Variants in SAMD5 observed in about 807,000 individuals in gnomAD.
The protein encoded by SAMD5 is sterile alpha motif domain-containing protein 5.
A neutral mutation model predicts 11.3 loss-of-function variants in SAMD5; 13 were observed. The ratio of observed to expected loss-of-function variants is 1.15; its 90% CI spans 0.75 to 1.83. The LOEUF is 1.83. Ranked by LOEUF, SAMD5 falls within the 40% of genes most tolerant of loss-of-function variation. SAMD5 has a pLI of 0.00. For synonymous variants in SAMD5, 129 were observed against 111.3 expected (o/e 1.16, Z -1.00); for missense variants, 255 against 239.1 (o/e 1.07, Z -0.44).
intron 1 of SAMD5, among the ~76,000 whole-genome samples, chr6:147,714,998 G>A (rs917843561): frequency 5.3e-5 from 8 of 152,186 alleles, no homozygotes; most frequent in Non-Finnish European, 1.2e-4. Flanking sequence ...GAAAATATGG[G>A]CATATATACA....
chr6:147,520,182 A>G (rs1285468479), intron 1 of SAMD5, among the ~76,000 whole-genome samples: 2 of 147,954 alleles, frequency 1.4e-5, no homozygotes, highest in South Asian at 2.1e-4. Flanking sequence ...CAGAGGCACC[A>G]TCTTGGCTCA....
downstream of SAMD5, among the ~76,000 whole-genome samples, chr6:147,574,043 G>T (rs1789177873): frequency 6.6e-6 from 1 of 151,802 alleles, no homozygotes. Flanking sequence ...TGGGAGAATG[G>T]CATGAACCCA....
chr6:147,806,570 G>A, the SAMD5 span, among the ~76,000 whole-genome samples: 54 of 152,284 alleles, frequency 3.5e-4, no homozygotes, highest in East Asian at 9.5e-3. Flanking sequence ...TTCATCATTT[G>A]TAAACATTTG....
At chr6:147,630,107 G>T (rs7771088) in intron 1 of SAMD5, among the ~76,000 whole-genome samples, 1 of 151,426 alleles carries the variant, frequency 6.6e-6, no homozygotes, top group African/African-American at 2.4e-5. Flanking sequence ...GCACTGCCAC[G>T]CCTGGCTAAT....
At chr6:147,890,413 C>T in the SAMD5 span, among the ~76,000 whole-genome samples, 42 of 149,230 alleles carry the variant, frequency 2.8e-4, no homozygotes, top group Admixed American at 1.4e-3. Context: ...GCTTGGAGTG[C>T]AGTGGCATGA....
At chr6:147,814,759 G>A in the SAMD5 span, among the ~76,000 whole-genome samples, 1 of 152,160 alleles carries the variant, frequency 6.6e-6, no homozygotes, top group Non-Finnish European at 1.5e-5. Context: ...GTGTACCTTT[G>A]CCATGCAAAT....
At chr6:147,869,625 G>A in the SAMD5 span, among the ~76,000 whole-genome samples, 5 of 151,946 alleles carry the variant, frequency 3.3e-5, no homozygotes, top group South Asian at 2.1e-4. Context: ...AATTTAAAAA[G>A]TAAAAAACAA....
chr6:147,563,488 C>T (rs779784267), intron 1 of SAMD5, among the ~76,000 whole-genome samples: 3 of 152,162 alleles, frequency 2.0e-5, no homozygotes, highest in Non-Finnish European at 2.9e-5. Flanking sequence ...CTAAGCAGCA[C>T]AAAATTTCCA....
rs1379941034 is a variant in SAMD5, at chr6:147,672,490, G to A, written c.163-64827G>A. Among the ~76,000 whole-genome samples the A allele has an allele frequency of 4.6e-5, 7 of 152,138 alleles. No homozygotes were observed. In the East Asian group the frequency reaches 1.2e-3, roughly 25 times the overall value. On this transcript the variant is annotated intron_variant, in intron 1 of 1. Transcript: ENST00000566741. ...ATGTGTTAGATATTTTCATGTTAGT[G>A]CGTGGGGATGTACTCTATTCTTTTG...
In SAMD5 at chr6:147,509,095, T is replaced by C; in HGVS notation, c.167T>C (p.Leu56Pro). Residue 56 changes from leucine (L) to proline (P), a missense_variant, in exon 1 of 2, where the codon CTG (leucine) becomes CCG (proline). Coordinates refer to ENST00000367474, the MANE Select transcript of SAMD5 (RefSeq NM_001030060.3). ...VLAPAHRRRI[L>P]EAVRRLREQD... Reference sequence around the variant, plus strand: ...GCGCCCGCGCACCGCCGCCGTATCCTGGAGGCCGTGCGCCGGCTGCGGGAG... The same window carrying C: ...GCGCCCGCGCACCGCCGCCGTATCCCGGAGGCCGTGCGCCGGCTGCGGGAG... 1 of 1,592,576 alleles carries C rather than the reference T, an allele frequency of 6.3e-7. No individual in the cohort carries two copies. The highest frequency in any genetic ancestry group is 1.8e-5 in the Admixed American group (1 of 57,122).
At chr6:147,580,201 A>C (rs182790968) in intron 1 of SAMD5, among the ~76,000 whole-genome samples, 10 of 152,330 alleles carry the variant, frequency 6.6e-5, no homozygotes, top group Non-Finnish European at 1.5e-5. Context: ...ACTGCTGCTC[A>C]GGTCTTCCAG....
chr6:147,874,557 G>T, the SAMD5 span, among the ~76,000 whole-genome samples: 1 of 151,644 alleles, frequency 6.6e-6, no homozygotes, highest in Non-Finnish European at 1.5e-5. Flanking sequence ...TGGAGCATTT[G>T]GCCGAGTAGT....
At chr6:147,804,113 T>C in the SAMD5 span, among the ~76,000 whole-genome samples, 5 of 63,506 alleles carry the variant, frequency 7.9e-5, no homozygotes, top group East Asian at 2.9e-3. Context: ...GAAGATATCT[T>C]TTTTTTTTTT....
At chr6:147,942,027 C>T in the SAMD5 span, among the ~76,000 whole-genome samples, 3 of 152,164 alleles carry the variant, frequency 2.0e-5, no homozygotes. Context: ...GCGCCTGCCA[C>T]CACGCCTGGC....
In SAMD5 at chr6:147,569,383, A is replaced by G; in HGVS notation, c.*4927A>G. Reference sequence around the variant, plus strand: ...TTTTCAGAGGAAAACAAGAGGCTAAATTCCATGTTAAGAGCTAAGTAGTAT... The same window carrying G: ...TTTTCAGAGGAAAACAAGAGGCTAAGTTCCATGTTAAGAGCTAAGTAGTAT... On this transcript the variant is annotated 3_prime_UTR_variant, in exon 2 of 2. Coordinates refer to ENST00000367474, the MANE Select transcript of SAMD5 (RefSeq NM_001030060.3). The G allele has an allele frequency of 4.2e-6, 4 of 951,036 alleles. No individual in the cohort carries two copies. The highest frequency in any genetic ancestry group is 5.0e-6 in the Non-Finnish European group (4 of 798,662). The allele number at this position is 951,036 out of a possible 1,614,324, so 58.9% of individuals were successfully genotyped here.
the SAMD5 span, among the ~76,000 whole-genome samples, chr6:147,782,540 G>T: frequency 6.6e-6 from 1 of 152,150 alleles, no homozygotes; most frequent in African/African-American, 2.4e-5. Flanking sequence ...TGTTTATCCT[G>T]CACTTCTCCC....
chr6:147,928,978 G>GTT, the SAMD5 span, among the ~76,000 whole-genome samples: 17 of 148,008 alleles, frequency 1.1e-4, no homozygotes, highest in African/African-American at 3.5e-4. Context: ...GGTTTTGAGT[G>GTT]TTTTTTTTTT....
intron 1 of SAMD5, among the ~76,000 whole-genome samples, chr6:147,540,691 C>A (rs539480958): frequency 6.6e-6 from 1 of 152,126 alleles, no homozygotes; most frequent in South Asian, 2.1e-4. Context: ...CCGCCTAAGA[C>A]GAGTCTCACA....
Position 147,564,506 on chromosome 6 carries a change from GA to G in SAMD5, c.*54del. The G allele has an allele frequency of 1.2e-6, 1 of 845,680 alleles. No homozygotes were observed. The allele number at this position is 845,680 out of a possible 1,614,324, so 52.4% of individuals were successfully genotyped here. On this transcript the variant is annotated 3_prime_UTR_variant, in exon 2 of 2. Coordinates refer to ENST00000367474, the MANE Select transcript of SAMD5 (RefSeq NM_001030060.3). ...GGACTGATGAGGTGCCTGAAGACTG[GA>G]AAAGGGCATATTTAGAACCTTCTTT... is the stretch of plus-strand genomic sequence containing the variant.
Sources: gnomAD v4.1 joint callset for allele counts (sites outside exome capture counted in the v4.1 genomes callset) on GRCh38, gnomAD v4.1.1 for gene constraint, MANE v1.5 for transcripts, NCBI Gene and HGNC (gene_info 2026-07-23, HGNC 2026-07-21) for gene names.